Variants in PRKG1 observed in about 807,000 individuals in gnomAD.
PRKG1 encodes the protein protein kinase cGMP-dependent 1.
PRKG1 carries 35 observed loss-of-function variants against 88.1 expected under a neutral mutation model. That is an observed-to-expected ratio of 0.40 (90% CI 0.30 to 0.53). The LOEUF (loss-of-function observed/expected upper bound fraction) is 0.53, where lower values mean the gene tolerates loss of function less well. Ranked by LOEUF, PRKG1 falls within the 20% of genes least tolerant of loss-of-function variation. The pLI is 0.59. For synonymous variants in PRKG1, 303 were observed against 292.5 expected, an observed-to-expected ratio of 1.04 and a Z score of -0.37; for missense variants, 540 against 839.8, an observed-to-expected ratio of 0.64 and a Z score of 4.41.
chr10:52,085,763 C>T (rs1190045113), intron 7 of PRKG1, among the ~76,000 whole-genome samples: 1 of 152,076 alleles, frequency 6.6e-6, no homozygotes, highest in Non-Finnish European at 1.5e-5. Flanking sequence ...TGTATGTGTT[C>T]ATCCCATTCC....
intron 5 of PRKG1, among the ~76,000 whole-genome samples, chr10:52,043,801 A>AT (rs1845802249): frequency 1.3e-5 from 2 of 151,866 alleles, no homozygotes; most frequent in African/African-American, 4.8e-5. Context: ...TTTACTTCAT[A>AT]AATATGTACA....
intron 5 of PRKG1, among the ~76,000 whole-genome samples, chr10:51,974,274 A>C (rs1843776524): frequency 6.6e-6 from 1 of 152,084 alleles, no homozygotes; most frequent in African/African-American, 2.4e-5. Flanking sequence ...AATGATGACT[A>C]CTGGGAGGTA....
At chr10:52,227,319 C>T (rs766707195) in intron 9 of PRKG1, among the ~76,000 whole-genome samples, 15 of 152,044 alleles carry the variant, frequency 9.9e-5, no homozygotes, top group Non-Finnish European at 2.1e-4. Flanking sequence ...AAAATATAGT[C>T]AATCCCCTGT....
chr10:51,984,870 G>A (rs1844112538), intron 5 of PRKG1, among the ~76,000 whole-genome samples: 1 of 152,098 alleles, frequency 6.6e-6, no homozygotes, highest in Admixed American at 6.5e-5. Flanking sequence ...CTGGTACTTG[G>A]TAAGGCAAGG....
At chr10:52,070,625 C>T (rs896829560) in intron 7 of PRKG1, among the ~76,000 whole-genome samples, 16 of 152,188 alleles carry the variant, frequency 1.1e-4, no homozygotes, top group African/African-American at 3.9e-4. Flanking sequence ...TAGACCTAAC[C>T]TCATCATCAT....
intron 5 of PRKG1, among the ~76,000 whole-genome samples, chr10:51,982,689 G>A (rs886594184): frequency 6.6e-6 from 1 of 150,992 alleles, no homozygotes; most frequent in Non-Finnish European, 1.5e-5. Flanking sequence ...TGTGCTGGGG[G>A]TGCTGAGGTG....
intron 1 of PRKG1, among the ~76,000 whole-genome samples, chr10:51,087,675 G>A (rs1318206477): frequency 1.3e-5 from 2 of 152,172 alleles, no homozygotes; most frequent in African/African-American, 2.4e-5. Flanking sequence ...TGATGGTCAT[G>A]GGTGCATTCT....
chr10:51,336,555 A>C (rs1223650976), intron 2 of PRKG1, among the ~76,000 whole-genome samples: 1 of 152,140 alleles, frequency 6.6e-6, no homozygotes, highest in South Asian at 2.1e-4. Context: ...TTAAGCCCTC[A>C]ACCTCAAAAT....
At chr10:51,318,215 GGAAA>G (rs1841370330) in intron 2 of PRKG1, among the ~76,000 whole-genome samples, 1 of 152,066 alleles carries the variant, frequency 6.6e-6, no homozygotes, top group Non-Finnish European at 1.5e-5. Flanking sequence ...GTGAAAATAT[GGAAA>G]TTTATGTTTC....
chr10:52,134,904 A>T (rs1837363766), intron 8 of PRKG1, among the ~76,000 whole-genome samples: 1 of 152,120 alleles, frequency 6.6e-6, no homozygotes, highest in African/African-American at 2.4e-5. Flanking sequence ...ATATCCATGG[A>T]TATTTCTGAA....
chr10:51,950,496 C>T (rs1589449381), intron 5 of PRKG1, among the ~76,000 whole-genome samples: 1 of 152,380 alleles, frequency 6.6e-6, no homozygotes, highest in East Asian at 1.9e-4. Context: ...CCTGTCTACC[C>T]AGCCCACAGT....
intron 3 of PRKG1, among the ~76,000 whole-genome samples, chr10:51,800,349 G>A (rs1020021182): frequency 5.9e-5 from 9 of 151,960 alleles, no homozygotes; most frequent in South Asian, 2.1e-4. Context: ...TAATAAACCC[G>A]CATGAGTTGA....
intron 7 of PRKG1, among the ~76,000 whole-genome samples, chr10:52,112,177 C>A (rs956604550): frequency 2.0e-5 from 3 of 152,172 alleles, no homozygotes; most frequent in African/African-American, 7.2e-5. Context: ...TGGTCAATAT[C>A]TCCTTTTTCA....
At chr10:51,028,023 T>C (rs578141861) in intron 1 of PRKG1, among the ~76,000 whole-genome samples, 1 of 152,316 alleles carries the variant, frequency 6.6e-6, no homozygotes, top group East Asian at 1.9e-4. Context: ...GAGGCAGGGC[T>C]GAGACAATCA....
chr10:51,912,259 A>C (rs901222376), intron 5 of PRKG1, among the ~76,000 whole-genome samples: 1 of 152,230 alleles, frequency 6.6e-6, no homozygotes, highest in Non-Finnish European at 1.5e-5. Flanking sequence ...GCTACAGAAA[A>C]TTAAGCAGGA....
chr10:51,799,386 G>A (rs73347279), intron 3 of PRKG1, among the ~76,000 whole-genome samples: 247 of 151,972 alleles, frequency 1.6e-3, no homozygotes, highest in African/African-American at 5.7e-3. Context: ...AGCATCCCTG[G>A]ACCACTTGAA....
chr10:51,362,934 A>G (rs1271956590), intron 2 of PRKG1, among the ~76,000 whole-genome samples: 1 of 151,820 alleles, frequency 6.6e-6, no homozygotes, highest in Non-Finnish European at 1.5e-5. Flanking sequence ...GCCAAGCTTT[A>G]TGTAGTGTTA....
intron 2 of PRKG1, among the ~76,000 whole-genome samples, chr10:51,170,947 T>C (rs1395296004): frequency 6.6e-6 from 1 of 152,130 alleles, no homozygotes; most frequent in Admixed American, 6.5e-5. Flanking sequence ...TCCAGCGATG[T>C]AGAATAAACT....
chr10:51,276,715 G>A (rs1369801718), intron 2 of PRKG1, among the ~76,000 whole-genome samples: 1 of 152,324 alleles, frequency 6.6e-6, no homozygotes, highest in Non-Finnish European at 1.5e-5. Flanking sequence ...CTGATGACCA[G>A]TGATGATGAG....
Sources: allele counts gnomAD v4.1 joint callset (sites outside exome capture counted in the v4.1 genomes callset), GRCh38; gene constraint gnomAD v4.1.1; transcripts MANE v1.5; gene names NCBI Gene and HGNC (gene_info 2026-07-23, HGNC 2026-07-21).